The following FERMT2 variants were observed in gnomAD, a reference collection of about 807,000 sequenced individuals.
The protein encoded by FERMT2 is FERM domain containing kindlin 2, also known as fermitin family homolog 2.
FERMT2 carries 15 observed loss-of-function variants against 82.7 expected under a neutral mutation model. The observed-to-expected ratio is 0.18, with a 90% CI of 0.12 to 0.28. The LOEUF is 0.28. Ranked by LOEUF, FERMT2 falls within the 10% of genes least tolerant of loss-of-function variation. The pLI, the probability that FERMT2 is intolerant of heterozygous loss-of-function variation, is 1.00. For synonymous variants in FERMT2, 274 were observed against 271.5 expected (o/e 1.01, Z -0.09); for missense variants, 645 against 809.4 (o/e 0.80, Z 2.46).
chr14:52,861,093 G>C, intron 12 of FERMT2: 7 of 1,422,746 alleles, frequency 4.9e-6, no homozygotes, highest in Non-Finnish European at 6.5e-6. Flanking sequence ...AAGGCAATCA[G>C]AAAAAATGGC....
chr14:52,934,678 C>T (rs999205912), intron 2 of FERMT2, among the ~76,000 whole-genome samples: 1 of 152,206 alleles, frequency 6.6e-6, no homozygotes, highest in African/African-American at 2.4e-5. Context: ...TATCTATAGT[C>T]TTTCAAATGG....
intron 2 of FERMT2, among the ~76,000 whole-genome samples, chr14:52,946,434 C>CT (rs1890359153): frequency 6.6e-6 from 1 of 151,270 alleles, no homozygotes; most frequent in African/African-American, 2.4e-5. Flanking sequence ...GGAAGGACTG[C>CT]TTGAGGCCAG....
intron 3 of FERMT2, among the ~76,000 whole-genome samples, chr14:52,906,021 C>T (rs1360745928): frequency 6.6e-6 from 1 of 152,182 alleles, no homozygotes; most frequent in Non-Finnish European, 1.5e-5. Flanking sequence ...GAAACACTTT[C>T]AGACATTAGG....
At chr14:52,900,214 C>T (rs1018893458) in intron 3 of FERMT2, among the ~76,000 whole-genome samples, 1 of 151,534 alleles carries the variant, frequency 6.6e-6, no homozygotes, top group South Asian at 2.1e-4. Flanking sequence ...CAGGCTCAGG[C>T]AATCCTCCTG....
intron 2 of FERMT2, among the ~76,000 whole-genome samples, chr14:52,927,590 T>TAAAAAAAAAAAA (rs1566755584): frequency 3.1e-3 from 37 of 11,806 alleles, no homozygotes; most frequent in African/African-American, 8.6e-3. Flanking sequence ...ACCTCATCCC[T>TAAAAAAAAAAAA]ATAAAAAAAA....
chr14:52,872,660 T>C, intron 10 of FERMT2, 139 bp downstream of exon 10: 1 of 748,188 alleles, frequency 1.3e-6, no homozygotes, highest in Non-Finnish European at 2.1e-6. Context: ...AAGAGACATA[T>C]CTAAACATTT....
chr14:52,859,438 A>C (rs920679895), intron 14 of FERMT2, 135 bp downstream of exon 14: 19 of 800,798 alleles, frequency 2.4e-5, no homozygotes, highest in Non-Finnish European at 3.4e-5. Context: ...AGAAATGAAT[A>C]GTCAACCATG....
intron 12 of FERMT2, chr14:52,861,013 C>T: frequency 6.6e-7 from 1 of 1,523,542 alleles, no homozygotes. Context: ...GGAGAACTTA[C>T]CAAATCTCTT....
chr14:52,948,567 T>A, intron 2 of FERMT2: 1 of 455,782 alleles, frequency 2.2e-6, no homozygotes, highest in African/African-American at 2.0e-5. Flanking sequence ...CCTACCTTGT[T>A]GGGCTTCTTT....
chr14:52,923,906 G>A (rs1889105091), intron 2 of FERMT2, among the ~76,000 whole-genome samples: 1 of 152,194 alleles, frequency 6.6e-6, no homozygotes, highest in South Asian at 2.1e-4. Context: ...TGACAGCGAA[G>A]TAGAAGACAG....
intron 2 of FERMT2, among the ~76,000 whole-genome samples, chr14:52,942,365 C>T (rs1027787360): frequency 2.0e-5 from 3 of 149,160 alleles, no homozygotes; most frequent in African/African-American, 2.5e-5. Context: ...TGCAGTGGCG[C>T]GATCCCGGCT....
In FERMT2 at chr14:52,893,413, C is replaced by T. The variant is rs1887069172; in HGVS notation, c.406G>A (p.Glu136Lys). ...GGTTTCTTTAAGAGAGAAAGTTCTT[C>T]GGGGTGTCTGATATCTGTTAATAAA... ...ICKTFNIRHP[E>K]ELSLLKKPRD... The change falls in exon 4 of 15, where the codon GAA becomes AAA. Residue 136 changes from glutamate (E) to lysine (K), a missense_variant. Glu to Lys is a moderately conservative substitution (Grantham distance 56). Transcript: ENST00000341590. 6.2e-7 allele frequency: 1 copy of T among 1,601,484 alleles called. No individual in the cohort carries two copies.
Position 52,916,305 on chromosome 14 carries a change from T to C in FERMT2, c.391+2818A>G, listed in dbSNP as rs529714598. Among the ~76,000 whole-genome samples, 34 of 150,734 alleles carry C rather than the reference T, an allele frequency of 2.3e-4. 1 individual carries two copies. In the South Asian group the frequency reaches 6.3e-3, roughly 28 times the overall value. Reference sequence around the variant, plus strand: ...GTTGCAGTGAGCCAAAATCACGCCATTGCATTCCAGCCTGGGCAACAGAGC... The same window carrying C: ...GTTGCAGTGAGCCAAAATCACGCCACTGCATTCCAGCCTGGGCAACAGAGC... On this transcript the variant is annotated intron_variant, in intron 3 of 14. Transcript: ENST00000341590.
At chr14:52,878,864 A>G (rs1886129287) in intron 6 of FERMT2, among the ~76,000 whole-genome samples, 175 bp from the exon 7 acceptor site, 1 of 152,236 alleles carries the variant, frequency 6.6e-6, no homozygotes. Flanking sequence ...CTATGGGGTC[A>G]GACATGCCTA....
rs34676786 is a variant in FERMT2, at chr14:52,877,574, CTTTTTTTTTT to C, written c.963+998_963+1007del. Among the ~76,000 whole-genome samples the C allele has an allele frequency of 2.7e-4, 18 of 67,064 alleles. No homozygotes were observed. The South Asian group carries it at 0.01, about 39-fold the overall frequency. The allele number at this position is 67,064 out of a possible 152,430, so 44.0% of individuals were successfully genotyped here. On this transcript the variant is annotated intron_variant, in intron 7 of 14. Transcript: ENST00000341590. ...CTAAGGTGAAAATTAGCTGTTCTTG[CTTTTTTTTTT>C]TTTTTTTTTTTTTTGCTAACCTCAC...
chr14:52,901,807 C>T (rs1333069850), intron 3 of FERMT2, among the ~76,000 whole-genome samples: 3 of 152,170 alleles, frequency 2.0e-5, no homozygotes, highest in Non-Finnish European at 4.4e-5. Flanking sequence ...TAACTTCAGC[C>T]ACTTAAGAGT....
At chr14:52,917,729 T>C (rs1447780271) in intron 3 of FERMT2, among the ~76,000 whole-genome samples, 1 of 152,158 alleles carries the variant, frequency 6.6e-6, no homozygotes, top group Non-Finnish European at 1.5e-5. Context: ...TAATGAGTGA[T>C]TCTTGAAGAC....
intron 2 of FERMT2, among the ~76,000 whole-genome samples, chr14:52,939,568 T>C (rs939196877): frequency 6.6e-6 from 1 of 152,152 alleles, no homozygotes; most frequent in Non-Finnish European, 1.5e-5. Flanking sequence ...TTAACTAACA[T>C]AATCCTTATA....
chr14:52,932,325 T>C (rs947812330), intron 2 of FERMT2, among the ~76,000 whole-genome samples: 1 of 152,184 alleles, frequency 6.6e-6, no homozygotes, highest in Non-Finnish European at 1.5e-5. Context: ...CATTTCACAG[T>C]AAAATCCTGA....
Sources: gnomAD v4.1 joint callset for allele counts (sites outside exome capture counted in the v4.1 genomes callset) on GRCh38, gnomAD v4.1.1 for gene constraint, MANE v1.5 for transcripts, NCBI Gene and HGNC (gene_info 2026-07-23, HGNC 2026-07-21) for gene names.